PCDHA4: variants seen among roughly 807,000 people sequenced by gnomAD.
PCDHA4 encodes the protein protocadherin alpha-4.
Under a neutral mutation model 61.4 loss-of-function variants are expected in PCDHA4, and 49 were observed. That is an observed-to-expected ratio of 0.80 (90% CI 0.63 to 1.01). The LOEUF (loss-of-function observed/expected upper bound fraction) is 1.01, where lower values mean the gene tolerates loss of function less well. PCDHA4 is among the 50% of genes least tolerant of loss of function. The probability of loss-of-function intolerance (pLI) is 0.00; values close to 1 mark genes in which losing one functional copy is unlikely to be tolerated. For missense variants in PCDHA4, 1,254 were observed against 1,235.8 expected (o/e 1.01, Z -0.22); for synonymous variants, 590 against 550.3 (o/e 1.07, Z -1.01).
intron 1 of PCDHA4, chr5:140,875,290 A>AT (rs1231810985): frequency 7.9e-6 from 11 of 1,396,906 alleles, no homozygotes; most frequent in Non-Finnish European, 1.0e-5. Context: ...AAACAGGAAA[A>AT]TTTTTTTCTC....
intron 1 of PCDHA4, among the ~76,000 whole-genome samples, chr5:140,820,198 A>G (rs1000135835): frequency 7.9e-5 from 12 of 151,974 alleles, no homozygotes; most frequent in African/African-American, 2.9e-4. Context: ...TTTGTGTTTC[A>G]ACGATCCAAA....
intron 1 of PCDHA4, among the ~76,000 whole-genome samples, chr5:140,955,950 C>G (rs2095241045): frequency 6.6e-6 from 1 of 151,920 alleles, no homozygotes; most frequent in African/African-American, 2.4e-5. Flanking sequence ...TGTCTACTTG[C>G]TTGTTGTTTG....
In PCDHA4 at chr5:140,949,770, T is replaced by C. The variant is rs955982016; in HGVS notation, c.2386-29179T>C. On this transcript the variant is annotated intron_variant, in intron 1 of 3. Coordinates refer to ENST00000530339, the MANE Select transcript of PCDHA4 (RefSeq NM_018907.4). ...TTAGCCCATTCACATTAGTGTAATA[T>C]TTGATATGTTTAGATTTGTGTCCTT... Among the ~76,000 whole-genome samples, 3 of 152,026 alleles carry C rather than the reference T, an allele frequency of 2.0e-5. 1 individual carries two copies. The highest frequency in any genetic ancestry group is 6.8e-3 in the Middle Eastern group (2 of 294).
intron 1 of PCDHA4, among the ~76,000 whole-genome samples, chr5:140,945,892 G>T (rs1351699782): frequency 1.3e-5 from 2 of 152,018 alleles, no homozygotes; most frequent in African/African-American, 4.8e-5. Context: ...AGAAAACACA[G>T]TGGGAAAGAT....
intron 1 of PCDHA4, chr5:140,968,856 G>A (rs782749305): frequency 1.2e-6 from 2 of 1,614,184 alleles, no homozygotes; most frequent in South Asian, 1.1e-5. Flanking sequence ...CATGTTAAGA[G>A]CCCTCGGACA....
chr5:140,917,223 C>G (rs1351907671), intron 1 of PCDHA4, among the ~76,000 whole-genome samples: 3 of 150,934 alleles, frequency 2.0e-5, no homozygotes, highest in African/African-American at 7.3e-5. Context: ...TTTAGTGATA[C>G]GTTGTTAAAT....
intron 1 of PCDHA4, chr5:140,883,933 G>C: frequency 6.2e-7 from 1 of 1,613,398 alleles, no homozygotes; most frequent in Non-Finnish European, 8.5e-7. Flanking sequence ...AGGTGTTCGT[G>C]CTGGACGAGA....
At chr5:140,977,043 T>G (rs2096743110) in intron 1 of PCDHA4, among the ~76,000 whole-genome samples, 1 of 152,226 alleles carries the variant, frequency 6.6e-6, no homozygotes. Flanking sequence ...AGGATGTTGT[T>G]GCTGATGGAC....
In PCDHA4 at chr5:140,828,604, A is replaced by G. The variant is rs2150157266; in HGVS notation, c.2385+19032A>G. On this transcript the variant is annotated intron_variant, in intron 1 of 3. Transcript: ENST00000530339. The stretch of plus-strand genomic sequence containing the variant: ...GCTCAAATTCCATCTTAACCTATAA[A>G]CTCAGTTCTAGCGAATACTTCGGGC... 71 of 1,614,018 alleles carry G rather than the reference A, an allele frequency of 4.4e-5. 1 individual carries two copies. The highest frequency in any genetic ancestry group is 1.5e-4 in the Admixed American group (9 of 59,998).
intron 1 of PCDHA4, chr5:140,822,929 C>T: frequency 6.2e-7 from 1 of 1,614,266 alleles, no homozygotes. Flanking sequence ...GGGCAGGTGA[C>T]CTGCTCCCTA....
chr5:140,870,970 G>A, intron 1 of PCDHA4: 4 of 1,613,652 alleles, frequency 2.5e-6, no homozygotes, highest in Non-Finnish European at 3.4e-6. Context: ...CCCGTTCCGC[G>A]TGGGGCTGTA....
At chr5:140,899,753 T>G (rs2067532965) in intron 1 of PCDHA4, among the ~76,000 whole-genome samples, 1 of 152,244 alleles carries the variant, frequency 6.6e-6, no homozygotes, top group African/African-American at 2.4e-5. Flanking sequence ...TCAGAAGGAA[T>G]GGTACCAGTT....
In PCDHA4 at chr5:140,855,913, A is replaced by G. The variant is rs560286204; in HGVS notation, c.2385+46341A>G. 287 of 1,174,758 alleles carry G rather than the reference A, an allele frequency of 2.4e-4. 22 individuals carry two copies. Among genetic ancestry groups the G allele is most frequent in the Admixed American group, 2.2e-3 (83 of 38,140 alleles). 72.8% of individuals were successfully genotyped at this position (1,174,758 alleles called of 1,614,324 possible). ...AAAGGCATCAGCCAGTTTCTCAAGG[A>G]CTAGGAAGTAGCGTCATTCTGAGAT... On this transcript the variant is annotated intron_variant, in intron 1 of 3. Transcript: ENST00000530339.
intron 1 of PCDHA4, among the ~76,000 whole-genome samples, chr5:140,908,919 G>T (rs781892541): frequency 1.3e-5 from 2 of 152,158 alleles, no homozygotes; most frequent in Non-Finnish European, 2.9e-5. Context: ...TGTAGGAGGG[G>T]CCAAATGCAG....
At chr5:140,936,762 G>A (rs190223178) in intron 1 of PCDHA4, among the ~76,000 whole-genome samples, 224 of 152,210 alleles carry the variant, frequency 1.5e-3, no homozygotes, top group Non-Finnish European at 2.6e-3. Context: ...ATATCTAATT[G>A]TGTAAGTTCT....
intron 1 of PCDHA4, among the ~76,000 whole-genome samples, chr5:140,879,081 T>C (rs1425343317): frequency 1.3e-5 from 2 of 152,084 alleles, no homozygotes; most frequent in African/African-American, 4.8e-5. Flanking sequence ...GAGAGATAAG[T>C]AGGAACAACT....
intron 1 of PCDHA4, among the ~76,000 whole-genome samples, chr5:140,906,212 A>C (rs2072460025): frequency 6.6e-6 from 1 of 152,194 alleles, no homozygotes; most frequent in South Asian, 2.1e-4. Context: ...CTCAGTATTA[A>C]CCATCACAAG....
At chr5:140,870,720 G>T (rs544150374) in intron 1 of PCDHA4, 8 of 1,613,202 alleles carry the variant, frequency 5.0e-6, no homozygotes, top group Non-Finnish European at 6.8e-6. Flanking sequence ...CGCGCGATGC[G>T]GGCGTGCCGC....
chr5:140,967,925 C>T, intron 1 of PCDHA4: 1 of 1,614,224 alleles, frequency 6.2e-7, no homozygotes, highest in South Asian at 1.1e-5. Context: ...TGTGGCCGTT[C>T]TCAGTGTCAA....
Sources: gnomAD v4.1 joint callset for allele counts (sites outside exome capture counted in the v4.1 genomes callset) on GRCh38, gnomAD v4.1.1 for gene constraint, MANE v1.5 for transcripts, NCBI Gene and HGNC (gene_info 2026-07-23, HGNC 2026-07-21) for gene names.